The following KRABD3 variants were observed in gnomAD, a reference collection of about 807,000 sequenced individuals.
The protein encoded by KRABD3 is KRAB domain containing 3.
the KRABD3 span, chr7:149,723,548 C>T: frequency 1.7e-6 from 1 of 578,692 alleles, no homozygotes. Context: ...TCCATGGCTT[C>T]CCTCTTTGCC....
the KRABD3 span, among the ~76,000 whole-genome samples, chr7:149,732,774 G>A: frequency 0.012 from 1,901 of 152,156 alleles, 52 homozygotes; most frequent in African/African-American, 0.041. This position sits in a 1 kb window ranked among gnomAD's most constrained non-coding sequence, Gnocchi z 4.0. Flanking sequence ...TGCGCAGAAG[G>A]CCCTTGGCTT....
chr7:149,715,284 C>T, the KRABD3 span: 7 of 1,220,778 alleles, frequency 5.7e-6, no homozygotes, highest in African/African-American at 9.4e-5. Context: ...CTGGGGAAAC[C>T]CCCTTGGCGT....
chr7:149,721,499 A>G, the KRABD3 span: 17,569 of 1,612,578 alleles, frequency 0.011, 112 homozygotes, highest in Non-Finnish European at 0.013. Flanking sequence ...CAGTGGCCCA[A>G]CTGGTGACGG....
At chr7:149,733,766 A>G in the KRABD3 span, 1 of 1,593,236 alleles carries the variant, frequency 6.3e-7, no homozygotes, top group Admixed American at 1.7e-5. Flanking sequence ...GCTGTCCTCT[A>G]CACCCAGCTG....
chr7:149,725,329 A>G, the KRABD3 span: 46 of 1,592,440 alleles, frequency 2.9e-5, no homozygotes, highest in Middle Eastern at 1.7e-4. Flanking sequence ...CAGTGCCTCA[A>G]GCTCACCGCT....
the KRABD3 span, chr7:149,728,395 G>A: frequency 1.8e-5 from 20 of 1,096,462 alleles, no homozygotes; most frequent in African/African-American, 3.1e-5. Flanking sequence ...GGACTGACAC[G>A]TCCAGTGCTC....
chr7:149,730,041 C>A, the KRABD3 span: 3 of 1,401,454 alleles, frequency 2.1e-6, no homozygotes, highest in South Asian at 1.7e-5. Context: ...GCATGCTGAT[C>A]GTGGGCTGAG....
the KRABD3 span, among the ~76,000 whole-genome samples, chr7:149,731,429 TGCCTCCCCAGCC>T: frequency 1.3e-5 from 2 of 152,146 alleles, no homozygotes; most frequent in African/African-American, 4.8e-5. Flanking sequence ...TTTTCCCAGC[TGCCTCCCCAGCC>T]GCCTCCTCCT....
the KRABD3 span, chr7:149,721,902 A>G: frequency 1.4e-5 from 6 of 427,632 alleles, no homozygotes; most frequent in South Asian, 1.2e-4. Context: ...CCCTAACTGC[A>G]GAGCAGGGCA....
chr7:149,724,063 G>A, the KRABD3 span, among the ~76,000 whole-genome samples: 3 of 152,210 alleles, frequency 2.0e-5, no homozygotes, highest in African/African-American at 7.2e-5. Context: ...CTGTGTGGGA[G>A]GGGCTCGGTC....
the KRABD3 span, among the ~76,000 whole-genome samples, chr7:149,727,950 G>A: frequency 3.9e-5 from 6 of 152,226 alleles, no homozygotes; most frequent in East Asian, 3.9e-4. Flanking sequence ...AAATGCTGTC[G>A]GGAAAGAGAG....
the KRABD3 span, chr7:149,724,745 C>T: frequency 1.9e-6 from 3 of 1,559,316 alleles, no homozygotes; most frequent in African/African-American, 2.7e-5. Context: ...GTCCAGAGCC[C>T]CCCAGGACCT....
At chr7:149,729,978 C>T in the KRABD3 span, 1 of 1,310,178 alleles carries the variant, frequency 7.6e-7, no homozygotes, top group South Asian at 2.5e-5. Context: ...TCTGGCTTCA[C>T]TTTTGTCCTC....
chr7:149,725,931 G>GT, the KRABD3 span: 2 of 1,599,838 alleles, frequency 1.3e-6, no homozygotes, highest in Non-Finnish European at 1.7e-6. Context: ...GCAGAGCTGT[G>GT]TGAGAGATGG....
the KRABD3 span, chr7:149,723,066 T>G: frequency 1.2e-5 from 11 of 931,428 alleles, no homozygotes; most frequent in Non-Finnish European, 1.7e-5. Context: ...GCTTGGTCGC[T>G]GCTGTGTTGC....
At chr7:149,719,969 A>C in the KRABD3 span, 2 of 1,527,774 alleles carry the variant, frequency 1.3e-6, no homozygotes, top group East Asian at 2.5e-5. This position sits in a 1 kb window ranked among gnomAD's most constrained non-coding sequence, Gnocchi z 5.6. Flanking sequence ...AGCGGAGACC[A>C]CTCCATTCCC....
chr7:149,724,055 G>T, the KRABD3 span, among the ~76,000 whole-genome samples: 3 of 152,216 alleles, frequency 2.0e-5, no homozygotes, highest in Non-Finnish European at 2.9e-5. Flanking sequence ...GGAGCGAGCT[G>T]TGTGGGAGGG....
chr7:149,718,532 T>TTC, the KRABD3 span, among the ~76,000 whole-genome samples: 1 of 147,250 alleles, frequency 6.8e-6, no homozygotes, highest in South Asian at 2.2e-4. Context: ...TTTTTTTTTT[T>TTC]TTTTGAGATG....
At chr7:149,722,370 C>T in the KRABD3 span, 3 of 1,566,958 alleles carry the variant, frequency 1.9e-6, no homozygotes, top group South Asian at 1.2e-5. Context: ...GTGTGATTTT[C>T]CAGAGTCTGG....
Sources: allele counts gnomAD v4.1 joint callset (sites outside exome capture counted in the v4.1 genomes callset), GRCh38; gene constraint gnomAD v4.1.1; non-coding constraint Gnocchi (gnomAD v3.1); transcripts MANE v1.5; gene names NCBI Gene and HGNC (gene_info 2026-07-23, HGNC 2026-07-21).